MAPK8: variants seen among roughly 807,000 people sequenced by gnomAD.
MAPK8 encodes mitogen-activated protein kinase 8, also known as JUN N-terminal kinase.
MAPK8 carries 13 observed loss-of-function variants against 52.9 expected under a neutral mutation model. The observed-to-expected ratio is 0.25, with a 90% confidence interval of 0.16 to 0.39. The LOEUF (loss-of-function observed/expected upper bound fraction) is 0.39. Among genes scored for constraint, MAPK8 ranks in the 10% least tolerant of loss-of-function variants. The pLI is 1.00. For synonymous variants in MAPK8, 191 were observed against 169.8 expected, an observed-to-expected ratio of 1.12 and a Z score of -0.97; for missense variants, 300 against 519.2, an observed-to-expected ratio of 0.58 and a Z score of 4.10.
chr10:48,390,159 G>T (rs528653230), intron 1 of MAPK8, among the ~76,000 whole-genome samples: 6 of 152,246 alleles, frequency 3.9e-5, no homozygotes, highest in African/African-American at 1.4e-4. Flanking sequence ...AAGGCAGGCA[G>T]GAAGAGTTCC....
intron 1 of MAPK8, among the ~76,000 whole-genome samples, chr10:48,382,674 C>A (rs893604136): frequency 6.6e-6 from 1 of 150,954 alleles, no homozygotes; most frequent in East Asian, 1.9e-4. Context: ...TTCAATTTTA[C>A]GTTATCTTTG....
chr10:48,412,764 A>G (rs775233089), intron 5 of MAPK8, among the ~76,000 whole-genome samples: 5 of 152,322 alleles, frequency 3.3e-5, no homozygotes, highest in Non-Finnish European at 5.9e-5. Flanking sequence ...ATATTTCCCA[A>G]TGTTTTTTCC....
chr10:48,345,425 G>T (rs1275253575), intron 1 of MAPK8, among the ~76,000 whole-genome samples: 2 of 152,164 alleles, frequency 1.3e-5, no homozygotes, highest in Non-Finnish European at 2.9e-5. Flanking sequence ...CAGGGTTCTT[G>T]TAGAGTCATA....
rs562002294 is a variant in MAPK8 at position 48,359,386 on chromosome 10, T to C, written c.-49-42226T>C. Among the ~76,000 whole-genome samples, 5 of 152,330 alleles carry C rather than the reference T, an allele frequency of 3.3e-5. No homozygotes were observed. In the South Asian group the frequency reaches 1.0e-3, roughly 32 times the overall value. On this transcript the variant is annotated intron_variant, in intron 1 of 11. Transcript: ENST00000374189. ...AATTCGGATACATTTAGTTTTGCCATTTTTTAAAAGCTTGTTACACATAGT... is the reference window on the plus strand; with the variant it reads ...AATTCGGATACATTTAGTTTTGCCACTTTTTAAAAGCTTGTTACACATAGT...
intron 1 of MAPK8, among the ~76,000 whole-genome samples, chr10:48,353,381 CAGAT>C (rs1168686785): frequency 1.3e-5 from 2 of 152,122 alleles, no homozygotes; most frequent in Non-Finnish European, 2.9e-5. Flanking sequence ...TATTGGCAGA[CAGAT>C]AGACACATAG....
intron 1 of MAPK8, among the ~76,000 whole-genome samples, chr10:48,382,940 G>GTATA (rs141088649): frequency 1.0e-4 from 14 of 139,212 alleles, no homozygotes; most frequent in East Asian, 6.4e-4. Flanking sequence ...ATAGCTATGT[G>GTATA]TATATATATA....
chr10:48,349,560 C>T (rs1011732458), intron 1 of MAPK8, among the ~76,000 whole-genome samples: 1 of 152,140 alleles, frequency 6.6e-6, no homozygotes, highest in East Asian at 1.9e-4. Context: ...TAAATAAGTT[C>T]TTTGAAACCA....
intron 1 of MAPK8, among the ~76,000 whole-genome samples, chr10:48,365,627 G>T (rs1201498702): frequency 1.3e-5 from 2 of 152,092 alleles, no homozygotes; most frequent in Admixed American, 6.5e-5. Flanking sequence ...AAACTAAAGA[G>T]ATTATTATCC....
chr10:48,411,852 C>CCA (rs1464073365), intron 5 of MAPK8, among the ~76,000 whole-genome samples: 1 of 131,178 alleles, frequency 7.6e-6, no homozygotes, highest in Non-Finnish European at 1.6e-5. Flanking sequence ...TCTCCACCCT[C>CCA]TCCTCTCTTC....
chr10:48,385,650 A>T (rs1388669362), intron 1 of MAPK8, among the ~76,000 whole-genome samples: 1 of 152,172 alleles, frequency 6.6e-6, no homozygotes, highest in Non-Finnish European at 1.5e-5. Flanking sequence ...GGCCTTATCC[A>T]GTGAAGGACA....
At chr10:48,359,470 G>A (rs1351477570) in intron 1 of MAPK8, among the ~76,000 whole-genome samples, 1 of 152,108 alleles carries the variant, frequency 6.6e-6, no homozygotes, top group Non-Finnish European at 1.5e-5. Context: ...TCTCTTGTCT[G>A]TGTCAAGAGT....
At chr10:48,353,470 A>G (rs958095689) in intron 1 of MAPK8, among the ~76,000 whole-genome samples, 1 of 152,222 alleles carries the variant, frequency 6.6e-6, no homozygotes, top group Non-Finnish European at 1.5e-5. Flanking sequence ...GACGTACAAA[A>G]GAGACTCAGT....
chr10:48,379,991 C>G (rs186498070), intron 1 of MAPK8, among the ~76,000 whole-genome samples: 1 of 147,156 alleles, frequency 6.8e-6, no homozygotes, highest in East Asian at 2.0e-4. Flanking sequence ...CGCCTGTAAT[C>G]CCAGCACTTT....
At chr10:48,395,298 C>T (rs1484403480) in intron 1 of MAPK8, among the ~76,000 whole-genome samples, 2 of 151,834 alleles carry the variant, frequency 1.3e-5, no homozygotes, top group African/African-American at 2.4e-5. Flanking sequence ...TGGTATTGGC[C>T]GAAGGATAAA....
intron 1 of MAPK8, among the ~76,000 whole-genome samples, chr10:48,356,066 G>A (rs1228248550): frequency 9.0e-6 from 1 of 111,550 alleles, no homozygotes; most frequent in Non-Finnish European, 2.2e-5. Context: ...TGTACTCTAG[G>A]CATGAAGAAA....
chr10:48,319,367 C>T (rs1842777729), intron 1 of MAPK8, among the ~76,000 whole-genome samples: 1 of 152,116 alleles, frequency 6.6e-6, no homozygotes, highest in South Asian at 2.1e-4. Flanking sequence ...TTTGTCACCC[C>T]AGAAAGTAAC....
At chr10:48,320,900 G>GA (rs1842934275) in intron 1 of MAPK8, among the ~76,000 whole-genome samples, 1 of 152,090 alleles carries the variant, frequency 6.6e-6, no homozygotes, top group South Asian at 2.1e-4. Flanking sequence ...TGTCTGTCTT[G>GA]AAAATAGCCA....
rs1026934033 is a variant in MAPK8, at chr10:48,438,799, A to G, written c.*3770A>G. On this transcript the variant is annotated 3_prime_UTR_variant, in exon 12 of 12. Transcript: ENST00000374189. Reference sequence around the variant, plus strand: ...GTAAGAGACACGTGTAAAATCTTTGACTGTATGTCTTGCAAAATTGTGCTC... The same window carrying G: ...GTAAGAGACACGTGTAAAATCTTTGGCTGTATGTCTTGCAAAATTGTGCTC... 5.3e-5 allele frequency: 8 copies of G among 152,164 alleles called. No homozygotes were observed. Among genetic ancestry groups the G allele is most frequent in the African/African-American group, 1.9e-4 (8 of 41,442 alleles). The allele number at this position is 152,164 out of a possible 1,614,324, so 9.4% of individuals were successfully genotyped here.
intron 5 of MAPK8, 91 bp from the exon 6 acceptor site, chr10:48,420,064 A>G (rs1589252725): frequency 2.2e-6 from 2 of 927,120 alleles, no homozygotes; most frequent in East Asian, 2.4e-5. Flanking sequence ...ATTAACATGA[A>G]TGTTTTGCAA....
Sources: gnomAD v4.1 joint callset for allele counts (sites outside exome capture counted in the v4.1 genomes callset) on GRCh38, gnomAD v4.1.1 for gene constraint, MANE v1.5 for transcripts, NCBI Gene and HGNC (gene_info 2026-07-23, HGNC 2026-07-21) for gene names.